Variants in SYT9 observed in about 807,000 individuals in gnomAD.
SYT9 encodes synaptotagmin 9, also known as synaptotagmin-9.
SYT9 carries 22 observed loss-of-function variants against 48.4 expected under a neutral mutation model. That is an observed-to-expected ratio of 0.45 (90% CI 0.32 to 0.65). The LOEUF is 0.65. Ranked by LOEUF, SYT9 falls within the 30% of genes least tolerant of loss-of-function variation. The pLI, the probability that SYT9 is intolerant of heterozygous loss-of-function variation, is 0.03. For missense variants in SYT9, 577 were observed against 622.0 expected, an observed-to-expected ratio of 0.93 and a Z score of 0.77; for synonymous variants, 265 against 245.0, an observed-to-expected ratio of 1.08 and a Z score of -0.76.
At chr11:7,404,838 G>A (rs1452882904) in intron 3 of SYT9, among the ~76,000 whole-genome samples, 2 of 152,020 alleles carry the variant, frequency 1.3e-5, no homozygotes, top group African/African-American at 2.4e-5. Flanking sequence ...AAAAGTGCAC[G>A]GATTAGACAA....
chr11:7,360,721 G>A (rs1850118643), intron 3 of SYT9, among the ~76,000 whole-genome samples: 1 of 152,104 alleles, frequency 6.6e-6, no homozygotes, highest in African/African-American at 2.4e-5. Flanking sequence ...TACTGTTCAT[G>A]TTGTTATGAT....
chr11:7,259,545 A>G (rs543092681), intron 1 of SYT9, among the ~76,000 whole-genome samples: 2 of 152,298 alleles, frequency 1.3e-5, no homozygotes, highest in African/African-American at 4.8e-5. Context: ...CGCTAGCATT[A>G]GGTGTATAAT....
At chr11:7,314,197 C>G in intron 3 of SYT9, 1 of 595,880 alleles carries the variant, frequency 1.7e-6, no homozygotes, top group South Asian at 1.5e-5. Context: ...TCTTAGCTAG[C>G]CCCTAAGAGA....
intron 3 of SYT9, among the ~76,000 whole-genome samples, chr11:7,415,641 C>T (rs1245496644): frequency 6.6e-6 from 1 of 151,944 alleles, no homozygotes; most frequent in African/African-American, 2.4e-5. Context: ...CTTAGAGGCT[C>T]TGTGTGCATT....
At chr11:7,411,814 T>G (rs1333136471) in intron 3 of SYT9, among the ~76,000 whole-genome samples, 1 of 152,206 alleles carries the variant, frequency 6.6e-6, no homozygotes, top group Admixed American at 6.5e-5. Context: ...CCTTTCATTC[T>G]CTCTTTGCCC....
At chr11:7,320,828 A>G (rs1029628559) in intron 3 of SYT9, among the ~76,000 whole-genome samples, 3 of 152,242 alleles carry the variant, frequency 2.0e-5, no homozygotes, top group Admixed American at 6.5e-5. Flanking sequence ...AGCCAGATCA[A>G]TAATAGTACA....
intron 6 of SYT9, among the ~76,000 whole-genome samples, chr11:7,452,228 A>T (rs1848068976): frequency 1.3e-5 from 2 of 152,216 alleles, no homozygotes; most frequent in African/African-American, 2.4e-5. Flanking sequence ...AGTAATTAAC[A>T]TGTAGAAAAT....
At chr11:7,296,520 TTA>T (rs1848810732) in intron 1 of SYT9, among the ~76,000 whole-genome samples, 2 of 152,346 alleles carry the variant, frequency 1.3e-5, no homozygotes, top group East Asian at 3.9e-4. Flanking sequence ...TTCCAGAATG[TTA>T]TGATGCTTGA....
chr11:7,305,904 C>T (rs951435449), intron 2 of SYT9, among the ~76,000 whole-genome samples: 1 of 152,096 alleles, frequency 6.6e-6, no homozygotes, highest in South Asian at 2.1e-4. Flanking sequence ...CACCTGGCCT[C>T]TTCGGCTTGG....
At chr11:7,393,392 T>C (rs1485274114) in intron 3 of SYT9, among the ~76,000 whole-genome samples, 6 of 152,008 alleles carry the variant, frequency 3.9e-5, no homozygotes. Flanking sequence ...TCTGCTTATA[T>C]GGCCAATCAC....
At chr11:7,451,200 A>G (rs375021614) in intron 6 of SYT9, among the ~76,000 whole-genome samples, 1 of 152,332 alleles carries the variant, frequency 6.6e-6, no homozygotes, top group Admixed American at 6.5e-5. Flanking sequence ...AGGACATAGG[A>G]CATGCACTGA....
intron 3 of SYT9, among the ~76,000 whole-genome samples, chr11:7,376,178 A>G: frequency 6.6e-6 from 1 of 152,058 alleles, no homozygotes; most frequent in Non-Finnish European, 1.5e-5. Flanking sequence ...AGTATAATGC[A>G]TGGTACATGG....
At chr11:7,325,868 A>G (rs1216012473) in intron 3 of SYT9, among the ~76,000 whole-genome samples, 1 of 61,344 alleles carries the variant, frequency 1.6e-5, no homozygotes, top group African/African-American at 7.3e-5. Context: ...CTATTGAGAT[A>G]ATCATGTGGT....
At chr11:7,423,776 G>A (rs570721360) in intron 6 of SYT9, among the ~76,000 whole-genome samples, 7 of 109,764 alleles carry the variant, frequency 6.4e-5, no homozygotes, top group Admixed American at 2.3e-4. Flanking sequence ...ATCTCAGAGT[G>A]GGGGGAAGGG....
At chr11:7,262,261 T>C (rs1188845853) in intron 1 of SYT9, among the ~76,000 whole-genome samples, 1 of 152,048 alleles carries the variant, frequency 6.6e-6, no homozygotes, top group Non-Finnish European at 1.5e-5. Context: ...AGAAGTAATT[T>C]TGAGGGGAAT....
intron 5 of SYT9, among the ~76,000 whole-genome samples, chr11:7,418,561 C>T (rs1437945513): frequency 2.0e-5 from 3 of 152,228 alleles, no homozygotes; most frequent in South Asian, 2.1e-4. Context: ...TTTCCAAATA[C>T]ATAACTTCAA....
intron 3 of SYT9, among the ~76,000 whole-genome samples, chr11:7,383,839 ATATGTC>A (rs1850609317): frequency 6.6e-6 from 1 of 152,180 alleles, no homozygotes; most frequent in Non-Finnish European, 1.5e-5. Flanking sequence ...CCCTTGCACT[ATATGTC>A]TAGGCTGCAC....
At chr11:7,451,784 G>A (rs1158233575) in intron 6 of SYT9, among the ~76,000 whole-genome samples, 1 of 152,142 alleles carries the variant, frequency 6.6e-6, no homozygotes. Flanking sequence ...AGTGCACTCC[G>A]GGATGGAGTG....
chr11:7,308,656 A>G (rs1450466158), intron 2 of SYT9, among the ~76,000 whole-genome samples: 1 of 152,162 alleles, frequency 6.6e-6, no homozygotes, highest in Non-Finnish European at 1.5e-5. Flanking sequence ...CATCTCCTTC[A>G]TAAAAGTTTC....
Sources: allele counts gnomAD v4.1 joint callset (sites outside exome capture counted in the v4.1 genomes callset), GRCh38; gene constraint gnomAD v4.1.1; transcripts MANE v1.5; gene names NCBI Gene and HGNC (gene_info 2026-07-23, HGNC 2026-07-21).